The following EPHB1 variants were observed in gnomAD, a reference collection of about 807,000 sequenced individuals.
The protein encoded by EPHB1 is ephrin type-B receptor 1.
Under a neutral mutation model 94.4 loss-of-function variants are expected in EPHB1, and 30 were observed. The observed-to-expected ratio is 0.32, with a 90% CI of 0.24 to 0.43. The LOEUF (loss-of-function observed/expected upper bound fraction) is 0.43, where lower values mean the gene tolerates loss of function less well. Ranked by LOEUF, EPHB1 falls within the 20% of genes least tolerant of loss-of-function variation. EPHB1 has a pLI of 1.00. For missense variants in EPHB1, 1,055 were observed against 1,308.3 expected (o/e 0.81, Z 2.99); for synonymous variants, 522 against 489.1 (o/e 1.07, Z -0.89).
chr3:134,859,805 A>G (rs1254094497), intron 1 of EPHB1, among the ~76,000 whole-genome samples: 1 of 152,198 alleles, frequency 6.6e-6, no homozygotes. Flanking sequence ...TCTTCCATAA[A>G]TTGTATAAAT....
chr3:135,247,257 A>T (rs1270782437), intron 13 of EPHB1, among the ~76,000 whole-genome samples: 1 of 152,188 alleles, frequency 6.6e-6, no homozygotes, highest in Non-Finnish European at 1.5e-5. Context: ...TTTTCTATGC[A>T]TGTCTATAAT....
intron 1 of EPHB1, among the ~76,000 whole-genome samples, chr3:134,801,706 C>T (rs558210317): frequency 6.6e-6 from 1 of 152,306 alleles, no homozygotes; most frequent in African/African-American, 2.4e-5. Context: ...ATGAGAAATT[C>T]TTCAGCTTCT....
chr3:134,909,146 C>T (rs184035484), intron 1 of EPHB1, among the ~76,000 whole-genome samples: 48 of 150,218 alleles, frequency 3.2e-4, no homozygotes, highest in African/African-American at 1.1e-3. Flanking sequence ...AGCTGATGGA[C>T]CCAAGAGTGT....
Position 135,259,177 on chromosome 3 carries a change from C to T in EPHB1, c.*57C>T, listed in dbSNP as rs1933544567. The T allele has an allele frequency of 3.0e-6, 4 of 1,342,094 alleles. No homozygotes were observed. Among genetic ancestry groups the T allele is most frequent in the Non-Finnish European group, 4.2e-6 (4 of 954,958 alleles). 83.1% of individuals were successfully genotyped at this position (1,342,094 alleles called of 1,614,324 possible). On this transcript the variant is annotated 3_prime_UTR_variant, in exon 16 of 16. Coordinates refer to ENST00000398015, the MANE Select transcript of EPHB1 (RefSeq NM_004441.5). ...GAAAAGGACCAGGGTCAAGGGGGAC[C>T]AGAGGTTGACCACTGTGGAATGTAC...
At chr3:134,837,945 G>A (rs2036705092) in intron 1 of EPHB1, among the ~76,000 whole-genome samples, 1 of 152,168 alleles carries the variant, frequency 6.6e-6, no homozygotes, top group Non-Finnish European at 1.5e-5. Flanking sequence ...TAGCCATAGA[G>A]AAAGAAGAGA....
chr3:135,062,267 A>G (rs1304163226), intron 3 of EPHB1, among the ~76,000 whole-genome samples: 1 of 152,202 alleles, frequency 6.6e-6, no homozygotes, highest in Non-Finnish European at 1.5e-5. Context: ...GAATCTCCAC[A>G]CTATTTTTCA....
intron 1 of EPHB1, among the ~76,000 whole-genome samples, chr3:134,809,620 TGCCAGGGCTACATC>T (rs2036128858): frequency 1.3e-5 from 2 of 152,242 alleles, no homozygotes; most frequent in African/African-American, 4.8e-5. Context: ...TGACACAGAC[TGCCAGGGCTACATC>T]GCCCTCTTTT....
chr3:134,827,971 C>T (rs1163412946), intron 1 of EPHB1, among the ~76,000 whole-genome samples: 2 of 151,944 alleles, frequency 1.3e-5, no homozygotes, highest in African/African-American at 2.4e-5. Context: ...TTTGTTTATG[C>T]TTTTTTTTCT....
chr3:134,886,936 T>A (rs764334776), intron 1 of EPHB1, among the ~76,000 whole-genome samples: 2 of 151,898 alleles, frequency 1.3e-5, no homozygotes, highest in African/African-American at 2.4e-5. Context: ...TCCCAAAGAG[T>A]GAATTCATCT....
intron 12 of EPHB1, among the ~76,000 whole-genome samples, chr3:135,213,732 T>G (rs1478223585): frequency 6.6e-6 from 1 of 152,218 alleles, no homozygotes; most frequent in Non-Finnish European, 1.5e-5. Context: ...AGCATGGCTT[T>G]CTTTCTCTTC....
intron 3 of EPHB1, among the ~76,000 whole-genome samples, chr3:135,056,576 T>C (rs1477156741): frequency 6.6e-6 from 1 of 152,272 alleles, no homozygotes; most frequent in Non-Finnish European, 1.5e-5. Context: ...AGGGCACTTC[T>C]GAGCAAAGGC....
chr3:135,057,940 GA>G (rs1437853125), intron 3 of EPHB1, among the ~76,000 whole-genome samples: 15 of 152,258 alleles, frequency 9.9e-5, no homozygotes, highest in Admixed American at 8.5e-4. Flanking sequence ...CTCTCAACTG[GA>G]AAATCACATT....
intron 1 of EPHB1, among the ~76,000 whole-genome samples, chr3:134,837,389 G>A (rs2036691735): frequency 1.3e-5 from 2 of 152,154 alleles, no homozygotes; most frequent in African/African-American, 4.8e-5. Context: ...CCAGTTTATT[G>A]TCAAAGAATC....
chr3:135,027,127 G>C (rs1278487802), intron 3 of EPHB1, among the ~76,000 whole-genome samples: 1 of 149,234 alleles, frequency 6.7e-6, no homozygotes, highest in Admixed American at 6.7e-5. Context: ...GAGACAATGG[G>C]GTTTTCTACA....
chr3:135,141,746 A>T, intron 5 of EPHB1, among the ~76,000 whole-genome samples: 1 of 152,056 alleles, frequency 6.6e-6, no homozygotes, highest in East Asian at 1.9e-4. Flanking sequence ...CAGCCTTGAG[A>T]CTGTGTGATG....
chr3:134,797,676 G>A lies in EPHB1; in HGVS notation c.58+1987G>A, dbSNP rs866492186. ...AGCCAGAGGTCCCTGTCTGCTTGCCGGAAGCTGCCCGCGGGTGCCATTGTG... is the reference window on the plus strand; with the variant it reads ...AGCCAGAGGTCCCTGTCTGCTTGCCAGAAGCTGCCCGCGGGTGCCATTGTG... On this transcript the variant is annotated intron_variant, in intron 1 of 15. Coordinates refer to ENST00000398015, the MANE Select transcript of EPHB1 (RefSeq NM_004441.5). 2.6e-5 allele frequency among the ~76,000 whole-genome samples: 4 copies of A among 152,288 alleles called. No individual in the cohort carries two copies. In the South Asian group the frequency reaches 8.3e-4, roughly 32 times the overall value.
intron 10 of EPHB1, among the ~76,000 whole-genome samples, chr3:135,182,938 C>T (rs1463090018): frequency 6.6e-6 from 1 of 152,006 alleles, no homozygotes; most frequent in African/African-American, 2.4e-5. Flanking sequence ...AATCCTGAGC[C>T]TGCCCTCTGT....
rs1435600248 is a variant in EPHB1 at position 135,225,501 on chromosome 3, T to G, written c.2347-15647T>G. Among the ~76,000 whole-genome samples the G allele has an allele frequency of 1.3e-5, 2 of 152,122 alleles. 1 individual carries two copies. Among genetic ancestry groups the G allele is most frequent in the East Asian group, 3.9e-4 (2 of 5,166 alleles). Reference sequence around the variant, plus strand: ...CCATGGCATTAGAGAAAATGGAAATTGTTTGCGAGGCTCGCAGTTCATTAG... The same window carrying G: ...CCATGGCATTAGAGAAAATGGAAATGGTTTGCGAGGCTCGCAGTTCATTAG... On this transcript the variant is annotated intron_variant, in intron 12 of 15. Transcript: ENST00000398015.
chr3:135,241,676 G>A (rs1436139492), intron 13 of EPHB1, among the ~76,000 whole-genome samples: 1 of 152,240 alleles, frequency 6.6e-6, no homozygotes, highest in Admixed American at 6.5e-5. Context: ...AGGGGAAGGA[G>A]GCACTGGACT....
Sources: allele counts gnomAD v4.1 joint callset (sites outside exome capture counted in the v4.1 genomes callset), GRCh38; gene constraint gnomAD v4.1.1; transcripts MANE v1.5; gene names NCBI Gene and HGNC (gene_info 2026-07-23, HGNC 2026-07-21).